The following ADAM22 variants were observed in gnomAD, a reference collection of about 807,000 sequenced individuals.
The protein encoded by ADAM22 is disintegrin and metalloproteinase domain-containing protein 22.
In ADAM22, 65 loss-of-function variants were observed where a neutral mutation model predicts 144.6. That is an observed-to-expected ratio of 0.45 (90% CI 0.37 to 0.55). The LOEUF (loss-of-function observed/expected upper bound fraction) is 0.55, where lower values mean the gene tolerates loss of function less well. ADAM22 is among the 20% of genes least tolerant of loss of function. The pLI, the probability that ADAM22 is intolerant of heterozygous loss-of-function variation, is 0.00. For synonymous variants in ADAM22, 391 were observed against 412.6 expected, an observed-to-expected ratio of 0.95 and a Z score of 0.63; for missense variants, 974 against 1,184.9, an observed-to-expected ratio of 0.82 and a Z score of 2.61.
intron 15 of ADAM22, among the ~76,000 whole-genome samples, chr7:88,144,503 T>G (rs1356715154): frequency 7.9e-5 from 12 of 152,194 alleles, no homozygotes; most frequent in African/African-American, 2.9e-4. Context: ...TATTTTTTAT[T>G]AAGTCGATCA....
intron 3 of ADAM22, among the ~76,000 whole-genome samples, chr7:88,033,792 C>T (rs1800855232): frequency 1.3e-5 from 2 of 152,116 alleles, no homozygotes; most frequent in African/African-American, 4.8e-5. Flanking sequence ...CTTGCCTTTC[C>T]ACAGGCAGAG....
intron 2 of ADAM22, among the ~76,000 whole-genome samples, chr7:87,956,804 T>G (rs978290375): frequency 6.6e-6 from 1 of 152,232 alleles, no homozygotes; most frequent in Non-Finnish European, 1.5e-5. Context: ...TGTTTCATTA[T>G]CAATCCATTC....
At chr7:88,168,552 C>T (rs1290995958) in intron 25 of ADAM22, among the ~76,000 whole-genome samples, 2 of 152,062 alleles carry the variant, frequency 1.3e-5, no homozygotes, top group East Asian at 1.9e-4. Context: ...AAACATTTTG[C>T]TCAGTAAAGG....
intron 31 of ADAM22, among the ~76,000 whole-genome samples, chr7:88,194,541 C>A (rs1306404884): frequency 6.6e-6 from 1 of 152,186 alleles, no homozygotes; most frequent in East Asian, 1.9e-4. Context: ...TCTGTTACCA[C>A]CACATAGACG....
chr7:88,131,269 A>T lies in ADAM22; in HGVS notation c.826A>T (p.Ile276Leu). The T allele has an allele frequency of 6.2e-7, 1 of 1,612,090 alleles. No individual in the cohort carries two copies. Among genetic ancestry groups the T allele is most frequent in the Non-Finnish European group, 8.5e-7 (1 of 1,178,660 alleles). ...AKSVVNMADL[I>L]YKDQLKTRIV... ...TGTGTTCATTTTATTAATATACTAG[A>T]TATATAAAGACCAACTTAAGACCAG... The change falls in exon 11 of 32, where the codon ATA becomes TTA. Residue 276 changes from isoleucine to leucine, a missense_variant and splice_region_variant. Physicochemically the swap from Ile to Leu is conservative, Grantham distance 5. Around this residue, in one of 2 missense-constraint regions of ADAM22, gnomAD observed 734 missense variants for 950.6 expected, o/e 0.77. Coordinates refer to ENST00000413139, the MANE Select transcript of ADAM22 (RefSeq NM_001324418.2).
intron 14 of ADAM22, among the ~76,000 whole-genome samples, chr7:88,137,064 T>G (rs1446754308): frequency 2.6e-4 from 40 of 152,132 alleles, no homozygotes; most frequent in Non-Finnish European, 5.9e-5. Flanking sequence ...TAAGTTTGGT[T>G]CCTATCATTC....
intron 3 of ADAM22, among the ~76,000 whole-genome samples, chr7:88,066,876 A>T (rs1811389285): frequency 6.6e-6 from 1 of 152,184 alleles, no homozygotes; most frequent in South Asian, 2.1e-4. Flanking sequence ...ATTAAGACTA[A>T]GAATTAACTG....
At chr7:88,039,460 A>ATAT (rs1383703118) in intron 3 of ADAM22, among the ~76,000 whole-genome samples, 19 of 76,524 alleles carry the variant, frequency 2.5e-4, no homozygotes, top group East Asian at 1.4e-3. Flanking sequence ...AAAAAAAAAA[A>ATAT]AAAAATATAT....
intron 2 of ADAM22, among the ~76,000 whole-genome samples, chr7:87,967,807 C>CCAAA (rs1849483574): frequency 1.6e-5 from 1 of 60,952 alleles, no homozygotes; most frequent in Non-Finnish European, 2.8e-5. Flanking sequence ...GACTCTGTCT[C>CCAAA]AAAAAAAAAA....
chr7:88,085,981 C>T (rs920090052), intron 4 of ADAM22, among the ~76,000 whole-genome samples: 12 of 152,132 alleles, frequency 7.9e-5, no homozygotes, highest in Non-Finnish European at 1.8e-4. Context: ...TCGAGACCAT[C>T]ATGGCTAACA....
intron 12 of ADAM22, 75 bp from the exon 13 acceptor site, chr7:88,134,254 G>T (rs1195187112): frequency 4.4e-6 from 5 of 1,136,606 alleles, no homozygotes; most frequent in Non-Finnish European, 6.3e-6. Context: ...CAGCGATATT[G>T]TGACATTTTT....
intron 1 of ADAM22, chr7:87,934,788 G>A (rs1016447864): frequency 3.0e-6 from 2 of 666,770 alleles, no homozygotes; most frequent in Non-Finnish European, 5.1e-6. Flanking sequence ...AAGAGGAATG[G>A]GGAGAATGGG....
Position 88,134,341 on chromosome 7 carries a change from G to T in ADAM22, c.1090G>T (p.Asp364Tyr). The T allele has an allele frequency of 6.2e-7, 1 of 1,605,240 alleles. No homozygotes were observed. The highest frequency in any genetic ancestry group is 1.1e-5 in the South Asian group (1 of 88,176). The change falls in exon 13 of 32, where the codon GAT becomes TAT. Residue 364 changes from aspartate to tyrosine, a missense_variant. Around this residue, in one of 2 missense-constraint regions of ADAM22, gnomAD observed 734 missense variants for 950.6 expected, o/e 0.77. Transcript: ENST00000413139. ...GGGVNEFGKT[D>Y]LMAVTLAQSL... Reference sequence around the variant, plus strand: ...TTTTGTTTTTCAGTTTGGGAAAACTGATTTAATGGCTGTTACACTTGCCCA... The same window carrying T: ...TTTTGTTTTTCAGTTTGGGAAAACTTATTTAATGGCTGTTACACTTGCCCA...
chr7:87,990,756 A>G (rs917289817), intron 3 of ADAM22, among the ~76,000 whole-genome samples: 1 of 151,928 alleles, frequency 6.6e-6, no homozygotes, highest in Non-Finnish European at 1.5e-5. Context: ...TCTGCCTCCC[A>G]GGTTCAATTG....
intron 3 of ADAM22, among the ~76,000 whole-genome samples, chr7:87,992,362 C>T (rs1790113117): frequency 6.6e-6 from 1 of 152,086 alleles, no homozygotes; most frequent in Admixed American, 6.6e-5. Context: ...GTTGGTGACT[C>T]CACTAACAAA....
At chr7:88,054,979 T>C (rs894817156) in intron 3 of ADAM22, among the ~76,000 whole-genome samples, 1 of 152,172 alleles carries the variant, frequency 6.6e-6, no homozygotes, top group African/African-American at 2.4e-5. Flanking sequence ...TTAAAGTCAG[T>C]AGTTTTTTAC....
intron 3 of ADAM22, among the ~76,000 whole-genome samples, chr7:88,045,740 T>C (rs1165154206): frequency 2.0e-5 from 3 of 152,202 alleles, no homozygotes; most frequent in Admixed American, 2.0e-4. Flanking sequence ...TTTCGTGAGT[T>C]CAACTTTTTT....
intron 14 of ADAM22, among the ~76,000 whole-genome samples, chr7:88,139,146 G>T (rs1297635161): frequency 6.6e-6 from 1 of 152,190 alleles, no homozygotes; most frequent in Admixed American, 6.5e-5. Flanking sequence ...GGCTGGGCAT[G>T]GTGGCTCACG....
chr7:88,111,998 G>A (rs899216451), intron 5 of ADAM22, among the ~76,000 whole-genome samples: 4 of 152,244 alleles, frequency 2.6e-5, no homozygotes, highest in African/African-American at 9.6e-5. Context: ...AAAATAATCT[G>A]CTTGCTACTT....
Sources: gnomAD v4.1 joint callset for allele counts (sites outside exome capture counted in the v4.1 genomes callset) on GRCh38, gnomAD v4.1.1 for gene constraint, gnomAD v4.1.1 regional missense constraint, MANE v1.5 for transcripts, NCBI Gene and HGNC (gene_info 2026-07-23, HGNC 2026-07-21) for gene names.